FRMD1: variants seen among roughly 807,000 people sequenced by gnomAD.
The protein encoded by FRMD1 is FERM domain-containing protein 1.
In FRMD1, 51 loss-of-function variants were observed where a neutral mutation model predicts 54.9. The ratio of observed to expected loss-of-function variants is 0.93; its 90% CI spans 0.74 to 1.17. FRMD1 has a LOEUF of 1.17. Ranked by LOEUF, FRMD1 falls within the 50% of genes most tolerant of loss-of-function variation. The probability of loss-of-function intolerance (pLI) is 0.00; values close to 1 mark genes in which losing one functional copy is unlikely to be tolerated. For synonymous variants in FRMD1, 324 were observed against 306.4 expected (o/e 1.06, Z -0.60); for missense variants, 729 against 743.0 (o/e 0.98, Z 0.22).
intron 5 of FRMD1, among the ~76,000 whole-genome samples, 186 bp downstream of exon 5, chr6:168,064,685 T>C (rs953279034): frequency 6.6e-6 from 1 of 152,172 alleles, no homozygotes; most frequent in Non-Finnish European, 1.5e-5. Context: ...CTGCCTGCCT[T>C]TGGGGGTGGT....
chr6:168,076,528 G>T (rs970794825), intron 1 of FRMD1, among the ~76,000 whole-genome samples: 7 of 152,208 alleles, frequency 4.6e-5, no homozygotes, highest in African/African-American at 1.7e-4. Context: ...GTTCTCATGA[G>T]ATCTGATGGT....
chr6:168,078,100 G>A (rs988010800), intron 1 of FRMD1, among the ~76,000 whole-genome samples: 1 of 152,122 alleles, frequency 6.6e-6, no homozygotes, highest in Non-Finnish European at 1.5e-5. Context: ...GAAAGTCATC[G>A]TTCTTCAACA....
chr6:168,073,052 G>A (rs1245696204), intron 2 of FRMD1, among the ~76,000 whole-genome samples: 3 of 152,214 alleles, frequency 2.0e-5, no homozygotes, highest in African/African-American at 7.2e-5. Flanking sequence ...AATGGCAGCT[G>A]TGGACAAACA....
chr6:168,090,886 G>A (rs1298922909), intron 1 of FRMD1, among the ~76,000 whole-genome samples: 2 of 152,172 alleles, frequency 1.3e-5, no homozygotes, highest in African/African-American at 2.4e-5. Context: ...CGGGGCTCAC[G>A]AAGCCAGCTC....
intron 1 of FRMD1, among the ~76,000 whole-genome samples, chr6:168,092,058 C>G (rs913837985): frequency 9.2e-5 from 14 of 152,250 alleles, no homozygotes; most frequent in African/African-American, 3.4e-4. Flanking sequence ...CTCTGCTGGG[C>G]TGCTGCTGGC....
chr6:168,075,188 C>T (rs1028878202), intron 2 of FRMD1, 57 bp downstream of exon 2: 2 of 1,469,868 alleles, frequency 1.4e-6, no homozygotes, highest in Non-Finnish European at 1.9e-6. Context: ...ACCCCCTTGA[C>T]CTCCAGCAGA....
In FRMD1 at chr6:168,057,100, C is replaced by T. The variant is rs752770482; in HGVS notation, c.1647G>A (p.Val549=). 22 of 1,475,178 alleles carry T rather than the reference C, an allele frequency of 1.5e-5. No individual in the cohort carries two copies. The African/African-American group carries it at 2.5e-4, about 17-fold the overall frequency. 91.4% of individuals were successfully genotyped at this position (1,475,178 alleles called of 1,614,324 possible). A position where few individuals can be genotyped will look rare whatever the true frequency, so the allele number is the denominator to read the frequency against. ...GGTACTGCTGGGTGGGTGGTGCCTACACCACAAACTCCTGTGGTGGAGCCT... is the reference window on the plus strand; with the variant it reads ...GGTACTGCTGGGTGGGTGGTGCCTATACCACAAACTCCTGTGGTGGAGCCT... ...FGEAPPQEFV[V] is the part of the protein sequence containing the mutation. Residue 549 remains valine, a synonymous_variant, in exon 11 of 11, where the codon GTG becomes GTA. Transcript: ENST00000283309.
upstream of FRMD1, among the ~76,000 whole-genome samples, chr6:168,085,363 A>G (rs894537764): frequency 6.6e-6 from 1 of 152,174 alleles, no homozygotes; most frequent in African/African-American, 2.4e-5. Context: ...ACATGGCCAC[A>G]GTGAGGCCGC....
chr6:168,077,735 A>C (rs1800661663), intron 1 of FRMD1, among the ~76,000 whole-genome samples: 1 of 152,222 alleles, frequency 6.6e-6, no homozygotes, highest in Non-Finnish European at 1.5e-5. Flanking sequence ...TCTTACCGTG[A>C]AGTTCCGTGC....
rs1253767883 is a variant in FRMD1 at position 168,057,136 on chromosome 6, G to A, written c.1611C>T (p.Asp537=). Residue 537 remains aspartate (D), a synonymous_variant, in exon 11 of 11, where the codon GAC becomes GAT. Coordinates refer to ENST00000283309, the MANE Select transcript of FRMD1 (RefSeq NM_024919.6). ...CCTGTGGTGGAGCCTCTCCGAACAG[G>A]TCCAGGGCGAGACAGTTGCTGGACC... The part of the protein sequence containing the change: ...SKRSSNCLAL[D]LFGEAPPQEF... 4.5e-6 allele frequency: 7 copies of A among 1,539,706 alleles called. No individual in the cohort carries two copies. The highest frequency in any genetic ancestry group is 6.1e-6 in the Non-Finnish European group (7 of 1,141,242).
At chr6:168,070,050 C>T (rs1266670223) in intron 2 of FRMD1, among the ~76,000 whole-genome samples, 1 of 151,940 alleles carries the variant, frequency 6.6e-6, no homozygotes, top group Admixed American at 6.6e-5. Context: ...ATAATGAGAC[C>T]CGACTCCACA....
intron 1 of FRMD1, among the ~76,000 whole-genome samples, chr6:168,089,588 G>A (rs1327222035): frequency 2.0e-5 from 3 of 152,224 alleles, no homozygotes; most frequent in Non-Finnish European, 4.4e-5. Flanking sequence ...ACAGATAATC[G>A]ACCATCAGCA....
intron 2 of FRMD1, among the ~76,000 whole-genome samples, chr6:168,073,631 C>T (rs919847689): frequency 2.0e-5 from 3 of 152,074 alleles, no homozygotes; most frequent in Non-Finnish European, 4.4e-5. Flanking sequence ...GGGCCACCCG[C>T]GCTGAGGGAA....
intron 2 of FRMD1, among the ~76,000 whole-genome samples, chr6:168,072,283 C>G (rs1291659886): frequency 6.6e-6 from 1 of 152,216 alleles, no homozygotes; most frequent in Non-Finnish European, 1.5e-5. Context: ...CCCCCACACT[C>G]CACCCTCAGA....
At chr6:168,071,270 G>C (rs1800293887) in intron 2 of FRMD1, among the ~76,000 whole-genome samples, 1 of 152,130 alleles carries the variant, frequency 6.6e-6, no homozygotes, top group African/African-American at 2.4e-5. Flanking sequence ...CTTGTTTTTT[G>C]CTACAGGCCT....
At chr6:168,058,757 G>A (rs1403113842) in intron 10 of FRMD1, among the ~76,000 whole-genome samples, 2 of 152,180 alleles carry the variant, frequency 1.3e-5, no homozygotes, top group African/African-American at 4.8e-5. Context: ...CCGGGTGGAG[G>A]AGGTGGACGA....
chr6:168,079,581 C>G (rs1183659370), upstream of FRMD1, among the ~76,000 whole-genome samples: 5 of 152,190 alleles, frequency 3.3e-5, no homozygotes, highest in African/African-American at 9.7e-5. Context: ...AGGAAGGCAG[C>G]CTGGGTGGGC....
At chr6:168,071,158 C>T (rs1037020206) in intron 2 of FRMD1, among the ~76,000 whole-genome samples, 4 of 152,302 alleles carry the variant, frequency 2.6e-5, no homozygotes, top group African/African-American at 9.6e-5. Context: ...CTCCAGGCAG[C>T]GAGGGCCAAG....
At chr6:168,086,156 G>A (rs1277323235), upstream of FRMD1, among the ~76,000 whole-genome samples, 1 of 152,148 alleles carries the variant, frequency 6.6e-6, no homozygotes, top group Non-Finnish European at 1.5e-5. Context: ...CCCCAGCATG[G>A]ATACCACCAA....
Sources: allele counts gnomAD v4.1 joint callset (sites outside exome capture counted in the v4.1 genomes callset), GRCh38; gene constraint gnomAD v4.1.1; transcripts MANE v1.5; gene names NCBI Gene and HGNC (gene_info 2026-07-23, HGNC 2026-07-21).